CTTN: variants seen among roughly 807,000 people sequenced by gnomAD.
The protein encoded by CTTN is cortactin, also known as src substrate cortactin.
Under a neutral mutation model 84.0 loss-of-function variants are expected in CTTN, and 28 were observed. The observed-to-expected ratio is 0.33, with a 90% CI of 0.25 to 0.46. CTTN has a LOEUF of 0.46. Ranked by LOEUF, CTTN falls within the 20% of genes least tolerant of loss-of-function variation. CTTN has a pLI of 1.00. For synonymous variants in CTTN, 301 were observed against 288.8 expected, an observed-to-expected ratio of 1.04 and a Z score of -0.43; for missense variants, 641 against 723.8, an observed-to-expected ratio of 0.89 and a Z score of 1.31.
intron 1 of CTTN, among the ~76,000 whole-genome samples, chr11:70,404,014 G>A (rs2058015852): frequency 6.6e-6 from 1 of 152,184 alleles, no homozygotes; most frequent in African/African-American, 2.4e-5. Context: ...CTGAGTAGCT[G>A]GGACTACAGG....
In CTTN at chr11:70,436,077, T is replaced by A; in HGVS notation, c.*915T>A. On this transcript the variant is annotated 3_prime_UTR_variant, in exon 18 of 18. Coordinates refer to ENST00000301843, the MANE Select transcript of CTTN (RefSeq NM_005231.4). ...CTCTCGGCCTTGGGAAGGAAGGCAG[T>A]GCCTGCTCTGCTGTGAGCCGCCAGG... 4 of 1,425,008 alleles carry A rather than the reference T, an allele frequency of 2.8e-6. No individual in the cohort carries two copies. The highest frequency in any genetic ancestry group is 3.7e-6 in the Non-Finnish European group (4 of 1,095,448). 88.3% of individuals were successfully genotyped at this position (1,425,008 alleles called of 1,614,324 possible).
intron 6 of CTTN, 75 bp downstream of exon 6, chr11:70,414,727 G>A: frequency 9.3e-7 from 1 of 1,075,412 alleles, no homozygotes; most frequent in Non-Finnish European, 1.4e-6. Flanking sequence ...GCCCTGTTGG[G>A]CCACTTGTAG....
chr11:70,408,457 G>C (rs567036118), intron 4 of CTTN: 6 of 152,356 alleles, frequency 3.9e-5, no homozygotes, highest in African/African-American at 1.2e-4. Flanking sequence ...GAGTGCAGTG[G>C]TGCAATCATA....
At chr11:70,413,441 CT>C (rs1464731960) in intron 5 of CTTN, among the ~76,000 whole-genome samples, 1 of 152,190 alleles carries the variant, frequency 6.6e-6, no homozygotes, top group Non-Finnish European at 1.5e-5. Flanking sequence ...GGTAGGAGAT[CT>C]TTTCCACTTT....
intron 14 of CTTN, among the ~76,000 whole-genome samples, chr11:70,429,453 C>T (rs1005943813): frequency 6.6e-6 from 1 of 152,302 alleles, no homozygotes; most frequent in East Asian, 1.9e-4. Context: ...CCAGGACCCG[C>T]CAACCTGCCC....
rs553369355 is a variant in CTTN, at chr11:70,435,171, G to GCC, written c.*17_*18dup. ...TGGAGCTGCGGCAGTAGGGCCCCCA[G>GCC]CCCCCCCCCGGAGCTGCGCCCTGGA... On this transcript the variant is annotated 3_prime_UTR_variant, in exon 18 of 18. Transcript: ENST00000301843. The GCC allele has an allele frequency of 7.2e-6, 11 of 1,522,314 alleles. No individual in the cohort carries two copies. Among genetic ancestry groups the GCC allele is most frequent in the Middle Eastern group, 1.8e-4 (1 of 5,548 alleles). 94.3% of individuals were successfully genotyped at this position (1,522,314 alleles called of 1,614,324 possible). A position where few individuals can be genotyped will look rare whatever the true frequency, so the allele number is the denominator to read the frequency against.
At chr11:70,412,789 C>T (rs2058109330) in intron 5 of CTTN, among the ~76,000 whole-genome samples, 1 of 152,156 alleles carries the variant, frequency 6.6e-6, no homozygotes, top group African/African-American at 2.4e-5. Context: ...ATCTCCCCAG[C>T]GTGATTGTTT....
At chr11:70,407,631 C>G in intron 4 of CTTN, 40 bp downstream of exon 4, 1 of 1,588,878 alleles carries the variant, frequency 6.3e-7, no homozygotes, top group Non-Finnish European at 8.6e-7. Context: ...GGCCCCTCTG[C>G]GGATGGAGCC....
Position 70,433,166 on chromosome 11 carries a change from C to A in CTTN, c.1332C>A (p.Pro444=). Residue 444 remains proline, a synonymous_variant, in exon 16 of 18, where the codon CCC becomes CCA. Coordinates refer to ENST00000301843, the MANE Select transcript of CTTN (RefSeq NM_005231.4). ...RGPVSGTEPE[P]VYSMEAADYR... is the part of the protein sequence containing the mutation. ...CTGTGAGTGGGACGGAGCCGGAGCCCGTGTACAGCATGGAGGCCGCTGACT... is the reference window on the plus strand; with the variant it reads ...CTGTGAGTGGGACGGAGCCGGAGCCAGTGTACAGCATGGAGGCCGCTGACT... 3 of 1,613,738 alleles carry A rather than the reference C, an allele frequency of 1.9e-6. No homozygotes were observed. The highest frequency in any genetic ancestry group is 2.5e-6 in the Non-Finnish European group (3 of 1,180,006).
At chr11:70,427,694 G>T (rs866051484) in intron 13 of CTTN, among the ~76,000 whole-genome samples, 1 of 152,224 alleles carries the variant, frequency 6.6e-6, no homozygotes, top group Non-Finnish European at 1.5e-5. Context: ...GGGCAGCACT[G>T]TGTGTTGGTC....
At chr11:70,421,666 C>A in intron 11 of CTTN, 86 bp downstream of exon 11, 2 of 889,508 alleles carry the variant, frequency 2.2e-6, no homozygotes, top group East Asian at 4.8e-5. Flanking sequence ...ACCGTCAGCA[C>A]CTGCAACACA....
chr11:70,410,733 T>G (rs2058088507), intron 5 of CTTN, among the ~76,000 whole-genome samples: 1 of 152,092 alleles, frequency 6.6e-6, no homozygotes, highest in Non-Finnish European at 1.5e-5. Context: ...AACTTTTGAG[T>G]CTGAGCAACA....
chr11:70,435,854 C>A lies in CTTN; in HGVS notation c.*692C>A. On this transcript the variant is annotated 3_prime_UTR_variant, in exon 18 of 18. Transcript: ENST00000301843. ...ACCGGGAGGGCTGCTGGGAGCCTCT[C>A]CTGTCCCCGCCGGGCAGTGTCACTG... The A allele has an allele frequency of 6.6e-7, 1 of 1,517,706 alleles. No individual in the cohort carries two copies. Among genetic ancestry groups the A allele is most frequent in the Non-Finnish European group, 8.8e-7 (1 of 1,141,382 alleles). 94.0% of individuals were successfully genotyped at this position (1,517,706 alleles called of 1,614,324 possible).
chr11:70,423,883 C>T (rs901325689), intron 12 of CTTN, among the ~76,000 whole-genome samples: 8 of 152,180 alleles, frequency 5.3e-5, no homozygotes, highest in African/African-American at 1.9e-4. Flanking sequence ...AAGCCCCCGG[C>T]CTCAGCGTGG....
chr11:70,420,791 G>A (rs1342719338), intron 10 of CTTN, among the ~76,000 whole-genome samples: 1 of 151,896 alleles, frequency 6.6e-6, no homozygotes, highest in Admixed American at 6.6e-5. Flanking sequence ...TTACCCAGGA[G>A]TGGGGACATG....
intron 14 of CTTN, 69 bp from the exon 15 acceptor site, chr11:70,431,122 A>T: frequency 2.0e-6 from 3 of 1,497,874 alleles, no homozygotes; most frequent in Non-Finnish European, 1.9e-6. Flanking sequence ...CGATCTTCTG[A>T]AACACGGCAG....
intron 9 of CTTN, 36 bp downstream of exon 9, chr11:70,419,892 C>T (rs977464601): frequency 6.5e-7 from 1 of 1,527,098 alleles, no homozygotes; most frequent in Non-Finnish European, 9.0e-7. Context: ...CAGCCAGCAG[C>T]TAGTAATGTG....
chr11:70,399,112 G>A (rs1039900537), intron 1 of CTTN, among the ~76,000 whole-genome samples: 1 of 145,686 alleles, frequency 6.9e-6, no homozygotes, highest in Non-Finnish European at 1.5e-5. Flanking sequence ...GGGGGCCGGG[G>A]TTCGAGGGGC....
intron 8 of CTTN, among the ~76,000 whole-genome samples, chr11:70,418,244 G>A (rs1056998853): frequency 2.0e-5 from 3 of 152,080 alleles, no homozygotes; most frequent in Non-Finnish European, 2.9e-5. Flanking sequence ...AGTTTGTCGC[G>A]GCCTGGCCTG....
Sources: gnomAD v4.1 joint callset for allele counts (sites outside exome capture counted in the v4.1 genomes callset) on GRCh38, gnomAD v4.1.1 for gene constraint, MANE v1.5 for transcripts, NCBI Gene and HGNC (gene_info 2026-07-23, HGNC 2026-07-21) for gene names.